The following CAV1 variants were observed in gnomAD, a reference collection of about 807,000 sequenced individuals.
CAV1 encodes caveolin-1.
In CAV1, 10 loss-of-function variants were observed where a neutral mutation model predicts 16.5. The ratio of observed to expected loss-of-function variants is 0.61; its 90% CI spans 0.37 to 1.03. The LOEUF (loss-of-function observed/expected upper bound fraction) is 1.03. Among genes scored for constraint, CAV1 ranks in the 50% least tolerant of loss-of-function variants. The probability of loss-of-function intolerance (pLI) is 0.01; values close to 1 mark genes in which losing one functional copy is unlikely to be tolerated. For synonymous variants in CAV1, 76 were observed against 85.1 expected (o/e 0.89, Z 0.59); for missense variants, 212 against 232.8 (o/e 0.91, Z 0.58).
Position 116,559,423 on chromosome 7 carries a change from T to A in CAV1, c.*136T>A, listed in dbSNP as rs1794359950. On this transcript the variant is annotated 3_prime_UTR_variant, in exon 3 of 3. Transcript: ENST00000341049. Reference sequence around the variant, plus strand: ...CTTGGTTGAAAATAAAAAGATCACTTTCTCAGTTTTCATAAGTATTATGTC... The same window carrying A: ...CTTGGTTGAAAATAAAAAGATCACTATCTCAGTTTTCATAAGTATTATGTC... 1.5e-6 allele frequency: 1 copy of A among 683,056 alleles called. No individual in the cohort carries two copies. The highest frequency in any genetic ancestry group is 1.8e-5 in the African/African-American group (1 of 55,836). 42.3% of individuals were successfully genotyped at this position (683,056 alleles called of 1,614,324 possible). A position where few individuals can be genotyped will look rare whatever the true frequency, so the allele number is the denominator to read the frequency against.
intron 2 of CAV1, among the ~76,000 whole-genome samples, chr7:116,548,892 C>T (rs1368204928): frequency 6.6e-6 from 1 of 152,124 alleles, no homozygotes; most frequent in Non-Finnish European, 1.5e-5. Flanking sequence ...TATTCCAAGG[C>T]CCGTAAAAGG....
chr7:116,558,036 A>T (rs6466588), intron 2 of CAV1, among the ~76,000 whole-genome samples: 42,188 of 151,920 alleles, frequency 0.28, 6,120 homozygotes, highest in African/African-American at 0.36. Flanking sequence ...CCAACGTCCC[A>T]TTGTTCTTCC....
chr7:116,525,473 G>A, intron 1 of CAV1: 1 of 1,328,712 alleles, frequency 7.5e-7, no homozygotes, highest in Non-Finnish European at 9.8e-7. Flanking sequence ...AGTGCAGGGT[G>A]GAGGTGTTAT....
chr7:116,552,335 A>G (rs1306559189), intron 2 of CAV1, among the ~76,000 whole-genome samples: 1 of 152,210 alleles, frequency 6.6e-6, no homozygotes, highest in Non-Finnish European at 1.5e-5. Context: ...TAGGTAGTGT[A>G]TTGTGGTAAT....
rs551419004 is a variant in CAV1 at position 116,540,315 on chromosome 7, G to C, written c.195+13626G>C. On this transcript the variant is annotated intron_variant, in intron 2 of 2. Transcript: ENST00000341049. ...ATTCCATTATTGGTGTCTGTGCCAA[G>C]TGAAATGAACGTCAGCTCTTTTCCC... Among the ~76,000 whole-genome samples, 5 of 152,254 alleles carry C rather than the reference G, an allele frequency of 3.3e-5. No individual in the cohort carries two copies. In the South Asian group the frequency reaches 1.0e-3, roughly 32 times the overall value.
chr7:116,551,252 T>C (rs1430229306), intron 2 of CAV1, among the ~76,000 whole-genome samples: 1 of 152,188 alleles, frequency 6.6e-6, no homozygotes, highest in African/African-American at 2.4e-5. Flanking sequence ...GAGAACCCTG[T>C]GCTAGTGCTG....
In CAV1 at chr7:116,555,448, A is replaced by AAAGGAAGGAAGGAAGGAAGGAAGG. The variant is rs113043378; in HGVS notation, c.196-3492_196-3469dup. On this transcript the variant is annotated intron_variant, in intron 2 of 2. Transcript: ENST00000341049. ...AGCAAGAACCTGTCTCCAAAAAAAG[A>AAAGGAAGGAAGGAAGGAAGGAAGG]AAGGAAGGAAGGAAGGAAGGAAGGA... Among the ~76,000 whole-genome samples the AAAGGAAGGAAGGAAGGAAGGAAGG allele has an allele frequency of 9.4e-3, 352 of 37,404 alleles. 92 individuals carry two copies. Among genetic ancestry groups the AAAGGAAGGAAGGAAGGAAGGAAGG allele is most frequent in the East Asian group, 0.059 (43 of 728 alleles). 24.5% of individuals were successfully genotyped at this position (37,404 alleles called of 152,430 possible). A position where few individuals can be genotyped will look rare whatever the true frequency, so the allele number is the denominator to read the frequency against.
rs1187575266 is a variant in CAV1, at chr7:116,555,518, A to AAGAGAGAG, written c.196-3408_196-3401dup. On this transcript the variant is annotated intron_variant, in intron 2 of 2. Coordinates refer to ENST00000341049, the MANE Select transcript of CAV1 (RefSeq NM_001753.5). ...AAAGAAAGAAAGAAAGAAAGAAAGA[A>AAGAGAGAG]AGAGAGAGAGAGAGAGAGAGAGAGA... Among the ~76,000 whole-genome samples the AAGAGAGAG allele has an allele frequency of 6.4e-4, 9 of 14,052 alleles. 2 individuals carry two copies. Among genetic ancestry groups the AAGAGAGAG allele is most frequent in the African/African-American group, 2.2e-3 (9 of 4,176 alleles). The allele number at this position is 14,052 out of a possible 152,430, so 9.2% of individuals were successfully genotyped here. A position where few individuals can be genotyped will look rare whatever the true frequency, so the allele number is the denominator to read the frequency against.
intron 2 of CAV1, among the ~76,000 whole-genome samples, chr7:116,540,910 C>A (rs947770834): frequency 1.4e-4 from 22 of 152,026 alleles, no homozygotes; most frequent in African/African-American, 5.3e-4. Flanking sequence ...GATATGGAAA[C>A]CCCCCTTGTA....
chr7:116,527,526 G>A (rs910494277), intron 2 of CAV1, among the ~76,000 whole-genome samples: 5 of 152,124 alleles, frequency 3.3e-5, no homozygotes, highest in African/African-American at 1.2e-4. Flanking sequence ...CTGACTCAGT[G>A]GTCAGTTTTA....
intron 2 of CAV1, among the ~76,000 whole-genome samples, chr7:116,540,944 C>T (rs1793923038): frequency 6.6e-6 from 1 of 152,086 alleles, no homozygotes; most frequent in Admixed American, 6.5e-5. Flanking sequence ...TCCAAGGGGC[C>T]AAGGTCTCCA....
intron 2 of CAV1, among the ~76,000 whole-genome samples, chr7:116,536,063 G>A (rs970346805): frequency 1.3e-5 from 2 of 152,196 alleles, no homozygotes; most frequent in Non-Finnish European, 2.9e-5. Flanking sequence ...AGATATGGCA[G>A]TGGGTCATCT....
chr7:116,538,849 A>G (rs953608217), intron 2 of CAV1, among the ~76,000 whole-genome samples: 1 of 152,216 alleles, frequency 6.6e-6, no homozygotes, highest in African/African-American at 2.4e-5. Flanking sequence ...ATGGTGGCAG[A>G]CAAGACAGAA....
At chr7:116,553,517 C>G (rs191624178) in intron 2 of CAV1, among the ~76,000 whole-genome samples, 12 of 152,036 alleles carry the variant, frequency 7.9e-5, no homozygotes, top group Non-Finnish European at 1.2e-4. Context: ...ATACTTCCCT[C>G]CAGAAGGCCA....
chr7:116,526,976 G>A (rs189704961), intron 2 of CAV1: 22 of 460,168 alleles, frequency 4.8e-5, no homozygotes, highest in Admixed American at 1.3e-4. Context: ...CCTAGCAAAT[G>A]AGCCTATTGA....
chr7:116,539,112 A>G (rs1793886058), intron 2 of CAV1, among the ~76,000 whole-genome samples: 1 of 152,162 alleles, frequency 6.6e-6, no homozygotes, highest in African/African-American at 2.4e-5. Flanking sequence ...GTCCTGCCGT[A>G]CCACAGCCTG....
chr7:116,526,695 C>T lies in CAV1; in HGVS notation c.195+6C>T. 2 of 1,613,994 alleles carry T rather than the reference C, an allele frequency of 1.2e-6. No homozygotes were observed. Among genetic ancestry groups the T allele is most frequent in the Non-Finnish European group, 1.7e-6 (2 of 1,180,012 alleles). On this transcript the variant is annotated splice_donor_region_variant and intron_variant, in intron 2 of 2. Coordinates refer to ENST00000341049, the MANE Select transcript of CAV1 (RefSeq NM_001753.5). ...TCAACGATGACGTGGTCAAGGTAAGCCAAGGCGACCAACAGGGAAGGGCTG... is the reference window on the plus strand; with the variant it reads ...TCAACGATGACGTGGTCAAGGTAAGTCAAGGCGACCAACAGGGAAGGGCTG...
At chr7:116,525,344 T>C in intron 1 of CAV1, 1 of 1,545,008 alleles carries the variant, frequency 6.5e-7, no homozygotes, top group Non-Finnish European at 8.7e-7. Context: ...AAAAGGGGAT[T>C]GGGGTCCTGA....
intron 1 of CAV1, chr7:116,525,497 G>A (rs1269825319): frequency 3.9e-6 from 5 of 1,269,616 alleles, no homozygotes; most frequent in Non-Finnish European, 5.1e-6. Flanking sequence ...CCCGAGTCCT[G>A]GGGACAGTCC....
Sources: allele counts gnomAD v4.1 joint callset (sites outside exome capture counted in the v4.1 genomes callset), GRCh38; gene constraint gnomAD v4.1.1; transcripts MANE v1.5; gene names NCBI Gene and HGNC (gene_info 2026-07-23, HGNC 2026-07-21).